The following MBTPS2 variants were observed in gnomAD, a reference collection of about 807,000 sequenced individuals.
The protein encoded by MBTPS2 is membrane-bound transcription factor site-2 protease.
A neutral mutation model predicts 35.4 loss-of-function variants in MBTPS2; 2 were observed. The observed-to-expected ratio is 0.06, with a 90% confidence interval of 0.02 to 0.18. The LOEUF is 0.18. Among genes scored for constraint, MBTPS2 ranks in the 10% least tolerant of loss-of-function variants. The pLI is 1.00. For synonymous variants in MBTPS2, 125 were observed against 140.4 expected (o/e 0.89, Z 0.77); for missense variants, 244 against 386.5 (o/e 0.63, Z 3.09).
intron 5 of MBTPS2, chrX:21,856,694 C>G: frequency 1.7e-6 from 2 of 1,211,717 alleles, no homozygotes; most frequent in Middle Eastern, 2.3e-4. Flanking sequence ...CGAACACGGG[C>G]TATGGCGACC....
intron 7 of MBTPS2, among the ~76,000 whole-genome samples, chrX:21,874,001 G>GTA (rs3054229): frequency 0.034 from 2,063 of 60,795 alleles, 30 homozygotes; most frequent in Non-Finnish European, 0.048. Flanking sequence ...GTGTGTGTGT[G>GTA]TATATATATA....
chrX:21,873,326 C>A (rs1241547459), intron 7 of MBTPS2, among the ~76,000 whole-genome samples: 1 of 111,834 alleles, frequency 8.9e-6, no homozygotes, highest in African/African-American at 3.2e-5. Context: ...ATATTGAAGC[C>A]TCTGCTTTTA....
rs752937007 is a variant in MBTPS2 at position 21,882,526 on chromosome X, T to C, written c.1431T>C (p.Asp477=). The part of the protein sequence containing the change: ...DGQWILNSFL[D]ATLTSVIGDN... ...AATGGATTCTAAACTCTTTCTTGGA[T>C]GCCACCCTTACCTCAGTGATTGGAG... The change falls in exon 11 of 11, where the codon GAT becomes GAC. Residue 477 remains aspartate (D), a synonymous_variant. Transcript: ENST00000379484. The C allele has an allele frequency of 3.3e-6, 4 of 1,211,177 alleles. No individual in the cohort carries two copies. Among genetic ancestry groups the C allele is most frequent in the Non-Finnish European group, 4.5e-6 (4 of 894,839 alleles).
intron 3 of MBTPS2, 57 bp from the exon 4 acceptor site, chrX:21,851,452 A>G (rs2092914563): frequency 1.4e-6 from 1 of 692,684 alleles, no homozygotes; most frequent in South Asian, 2.1e-5. Context: ...TTAGTGCCCA[A>G]GTGGGACTCC....
chrX:21,843,408 C>G, intron 2 of MBTPS2, 90 bp downstream of exon 2: 1 of 955,460 alleles, frequency 1.0e-6, no homozygotes, highest in South Asian at 2.1e-5. Context: ...CATTACTTTG[C>G]AGTTTTCTGA....
chrX:21,841,405 G>C (rs1481036787), intron 1 of MBTPS2, among the ~76,000 whole-genome samples: 1 of 111,560 alleles, frequency 9.0e-6, no homozygotes, highest in Non-Finnish European at 1.9e-5. Flanking sequence ...CTGGGTGACA[G>C]AGCAAGACCC....
chrX:21,857,581 T>C, intron 5 of MBTPS2: 2 of 1,206,470 alleles, frequency 1.7e-6, no homozygotes, highest in Non-Finnish European at 2.2e-6. Context: ...TTAACGCATG[T>C]GAAGACCAAA....
At chrX:21,840,049 C>T (rs190008513) in intron 1 of MBTPS2, among the ~76,000 whole-genome samples, 98 of 112,146 alleles carry the variant, frequency 8.7e-4, no homozygotes, top group African/African-American at 3.0e-3. Flanking sequence ...CCTTCGGGTC[C>T]TGCCCGGGAG....
At chrX:21,871,776 T>C (rs921280368) in intron 7 of MBTPS2, 2 of 111,780 alleles carry the variant, frequency 1.8e-5, no homozygotes, top group African/African-American at 6.5e-5. Flanking sequence ...AAATTCTGGG[T>C]TTTTCTGGTT....
Position 21,843,336 on chromosome X carries a change from T to C in MBTPS2, c.224+18T>C. 8.3e-7 allele frequency: 1 copy of C among 1,203,432 alleles called. No individual in the cohort carries two copies. Among genetic ancestry groups the C allele is most frequent in the Middle Eastern group, 2.3e-4 (1 of 4,331 alleles). On this transcript the variant is annotated intron_variant, in intron 2 of 10. Coordinates refer to ENST00000379484, the MANE Select transcript of MBTPS2 (RefSeq NM_015884.4). ...TACCAATGGTATTCTTCATCTTCTT[T>C]TGTTTGGTTTAGGTTAATCATTAAG...
At chrX:21,880,517 C>A (rs1044875149) in intron 9 of MBTPS2, among the ~76,000 whole-genome samples, 1 of 110,344 alleles carries the variant, frequency 9.1e-6, no homozygotes, top group Non-Finnish European at 1.9e-5. Flanking sequence ...GACTTTAAAT[C>A]CCCTCATCTT....
chrX:21,881,274 A>G (rs1320942307), intron 10 of MBTPS2, among the ~76,000 whole-genome samples: 2 of 112,033 alleles, frequency 1.8e-5, no homozygotes, highest in Non-Finnish European at 3.8e-5. Context: ...TGGAAGCTTC[A>G]GTTACTACTG....
At position 21,882,704 on chromosome X, in the gene MBTPS2, T is replaced by G. The variant is rs2092960757; in HGVS notation, c.*49T>G. Reference sequence around the variant, plus strand: ...CCCTGAGTTACAGTATACAGCTATGTGGTAATATTCATTGCCATTGAAATT... The same window carrying G: ...CCCTGAGTTACAGTATACAGCTATGGGGTAATATTCATTGCCATTGAAATT... On this transcript the variant is annotated 3_prime_UTR_variant, in exon 11 of 11. Transcript: ENST00000379484. 8.3e-7 allele frequency: 1 copy of G among 1,205,301 alleles called. No homozygotes were observed. The highest frequency in any genetic ancestry group is 1.7e-5 in the African/African-American group (1 of 57,226).
intron 5 of MBTPS2, among the ~76,000 whole-genome samples, 200 bp downstream of exon 5, chrX:21,853,703 C>T (rs188809187): frequency 2.7e-5 from 3 of 111,580 alleles, no homozygotes; most frequent in African/African-American, 9.7e-5. Flanking sequence ...CTAAAAACAA[C>T]ATAATTTTAA....
intron 10 of MBTPS2, 61 bp from the exon 11 acceptor site, chrX:21,882,372 A>G: frequency 2.3e-6 from 2 of 853,879 alleles, no homozygotes; most frequent in Non-Finnish European, 3.5e-6. Flanking sequence ...CTTCTGACTC[A>G]TAGAAATATG....
chrX:21,869,708 G>A, intron 7 of MBTPS2, 30 bp downstream of exon 7: 1 of 1,065,280 alleles, frequency 9.4e-7, no homozygotes, highest in African/African-American at 1.8e-5. Flanking sequence ...ATAATATAAT[G>A]CTTCAAGCAC....
At chrX:21,872,473 A>G (rs1171459941) in intron 7 of MBTPS2, 3 of 105,404 alleles carry the variant, frequency 2.8e-5, no homozygotes, top group Admixed American at 2.1e-4. Context: ...TACTCTTTTT[A>G]TACTACAATC....
intron 7 of MBTPS2, among the ~76,000 whole-genome samples, chrX:21,875,672 A>G (rs1342492500): frequency 4.4e-5 from 5 of 112,515 alleles, no homozygotes. Flanking sequence ...TCCACCTTAT[A>G]TAAGACACTG....
Position 21,884,117 on chromosome X carries a change from T to G in MBTPS2, c.*1462T>G. 1 of 734,611 alleles carries G rather than the reference T, an allele frequency of 1.4e-6. No individual in the cohort carries two copies. The highest frequency in any genetic ancestry group is 1.6e-6 in the Non-Finnish European group (1 of 620,961). The allele number at this position is 734,611 out of a possible 1,213,427, so 60.5% of individuals were successfully genotyped here. ...TTTTTAATCATTTTTAAGAAACTTT[T>G]TAGATTGTATTACAAATTTGCCTTA... On this transcript the variant is annotated 3_prime_UTR_variant, in exon 11 of 11. Transcript: ENST00000379484.
Sources: gnomAD v4.1 joint callset for allele counts (sites outside exome capture counted in the v4.1 genomes callset) on GRCh38, gnomAD v4.1.1 for gene constraint, MANE v1.5 for transcripts, NCBI Gene and HGNC (gene_info 2026-07-23, HGNC 2026-07-21) for gene names.